Variants in EIF2B3 observed in about 807,000 individuals in gnomAD.
EIF2B3 encodes the protein translation initiation factor eIF2B subunit gamma.
Under a neutral mutation model 54.1 loss-of-function variants are expected in EIF2B3, and 20 were observed. That is an observed-to-expected ratio of 0.37 (90% confidence interval 0.26 to 0.54). The LOEUF (loss-of-function observed/expected upper bound fraction) is 0.54. EIF2B3 is among the 20% of genes least tolerant of loss of function. The pLI is 0.86. For missense variants in EIF2B3, 448 were observed against 547.8 expected (o/e 0.82, Z 1.82); for synonymous variants, 153 against 188.1 (o/e 0.81, Z 1.52).
In EIF2B3 at chr1:44,981,126, G is replaced by A. The variant is rs775048786; in HGVS notation, c.43C>T (p.Arg15Trp). The part of the protein sequence containing the change: ...AVVMAVGGGS[R>W]MTDLTSSIPK... ...ATGCTGGAAGTTAGGTCTGTCATCC[G>A]AGATCCTCCACCTACTGCCATCACT... Residue 15 changes from arginine to tryptophan, a missense_variant, in exon 2 of 12, where the codon CGG (arginine) becomes TGG (tryptophan). Transcript: ENST00000360403. 27 of 1,612,486 alleles carry A rather than the reference G, an allele frequency of 1.7e-5. No individual in the cohort carries two copies. The highest frequency in any genetic ancestry group is 6.7e-5 in the African/African-American group (5 of 74,406).
At chr1:44,965,895 C>CTGTA in intron 3 of EIF2B3, among the ~76,000 whole-genome samples, 1 of 151,978 alleles carries the variant, frequency 6.6e-6, no homozygotes, top group East Asian at 1.9e-4. Flanking sequence ...CCGCCTCAGC[C>CTGTA]TCCCAAAGTG....
chr1:44,875,868 T>A (rs1655111617), intron 8 of EIF2B3, among the ~76,000 whole-genome samples, 173 bp from the exon 9 acceptor site: 1 of 152,210 alleles, frequency 6.6e-6, no homozygotes, highest in African/African-American at 2.4e-5. Flanking sequence ...CCATCTCGGC[T>A]CACTGCAACC....
chr1:44,983,352 T>C (rs1367885434), intron 1 of EIF2B3, among the ~76,000 whole-genome samples: 1 of 152,200 alleles, frequency 6.6e-6, no homozygotes, highest in Middle Eastern at 3.2e-3. Context: ...TTTACTATAA[T>C]TATTATTACT....
intron 5 of EIF2B3, among the ~76,000 whole-genome samples, chr1:44,918,823 T>C (rs560512452): frequency 6.6e-6 from 1 of 152,368 alleles, no homozygotes; most frequent in South Asian, 2.1e-4. Flanking sequence ...TACTTCCTTA[T>C]GCGTTTTACC....
chr1:44,868,761 G>A (rs139792076), intron 10 of EIF2B3, among the ~76,000 whole-genome samples: 2 of 152,356 alleles, frequency 1.3e-5, no homozygotes, highest in Non-Finnish European at 2.9e-5. Flanking sequence ...CTGGAACCAG[G>A]TGATCAAATG....
At chr1:44,961,294 G>C (rs1644282397) in intron 3 of EIF2B3, among the ~76,000 whole-genome samples, 1 of 140,216 alleles carries the variant, frequency 7.1e-6, no homozygotes, top group Non-Finnish European at 1.5e-5. Flanking sequence ...TCCAACCTGG[G>C]CAACAGAGTG....
At chr1:44,853,953 G>A (rs1457154823) in intron 11 of EIF2B3, among the ~76,000 whole-genome samples, 1 of 150,910 alleles carries the variant, frequency 6.6e-6, no homozygotes, top group African/African-American at 2.5e-5. Context: ...GTCACTGACT[G>A]TAAGAAGAGA....
intron 4 of EIF2B3, among the ~76,000 whole-genome samples, chr1:44,929,756 T>C (rs1419039261): frequency 1.3e-5 from 2 of 152,236 alleles, no homozygotes; most frequent in Non-Finnish European, 2.9e-5. Flanking sequence ...CTTGAATCAC[T>C]GATGTCCTGG....
At chr1:44,857,927 C>A (rs912627360) in intron 10 of EIF2B3, 120 bp from the exon 11 acceptor site, 3 of 875,296 alleles carry the variant, frequency 3.4e-6, no homozygotes, top group Non-Finnish European at 5.7e-6. Context: ...CAGTTAATGG[C>A]TACGTGCCTC....
At chr1:44,920,761 G>A (rs935455562) in intron 5 of EIF2B3, among the ~76,000 whole-genome samples, 8 of 152,118 alleles carry the variant, frequency 5.3e-5, no homozygotes, top group African/African-American at 1.9e-4. Context: ...TTGTGTATAT[G>A]TACCACATTT....
intron 3 of EIF2B3, among the ~76,000 whole-genome samples, chr1:44,974,207 C>T (rs556822832): frequency 6.6e-6 from 1 of 151,420 alleles, no homozygotes; most frequent in African/African-American, 2.4e-5. Context: ...GGCATAGTGG[C>T]TCATGCCTGT....
chr1:44,868,414 A>G (rs1175356770), intron 10 of EIF2B3, among the ~76,000 whole-genome samples: 4 of 151,332 alleles, frequency 2.6e-5, no homozygotes, highest in Non-Finnish European at 4.4e-5. Context: ...AAAAAAAAAA[A>G]AAAAAAAGAA....
At chr1:44,980,961 C>G (rs1644505486) in intron 2 of EIF2B3, 60 bp downstream of exon 2, 2 of 1,603,250 alleles carry the variant, frequency 1.2e-6, no homozygotes, top group South Asian at 2.2e-5. Flanking sequence ...GCTGACAAAT[C>G]ATGGGGATCA....
At chr1:44,870,881 G>T (rs1312452073) in intron 10 of EIF2B3, among the ~76,000 whole-genome samples, 2 of 151,932 alleles carry the variant, frequency 1.3e-5, no homozygotes, top group African/African-American at 4.8e-5. Flanking sequence ...TCGAACTCCT[G>T]GGCTCATCTG....
At chr1:44,966,987 T>C (rs1168211247) in intron 3 of EIF2B3, among the ~76,000 whole-genome samples, 1 of 151,860 alleles carries the variant, frequency 6.6e-6, no homozygotes, top group Non-Finnish European at 1.5e-5. Context: ...AGCTAATTTT[T>C]ATATTTTTAG....
intron 5 of EIF2B3, among the ~76,000 whole-genome samples, chr1:44,925,779 C>T (rs1037948443): frequency 2.0e-5 from 3 of 151,992 alleles, no homozygotes; most frequent in African/African-American, 7.3e-5. Flanking sequence ...CAAAAATTAG[C>T]TGGGTGTGGT....
chr1:44,963,271 G>A (rs12740928), intron 3 of EIF2B3, among the ~76,000 whole-genome samples: 102,407 of 150,942 alleles, frequency 0.68, 36,821 homozygotes, highest in East Asian at 0.98. Flanking sequence ...AAAACCAGGG[G>A]GGAAATCTTT....
intron 10 of EIF2B3, among the ~76,000 whole-genome samples, chr1:44,861,837 G>C (rs1336219322): frequency 2.0e-5 from 3 of 152,200 alleles, no homozygotes; most frequent in African/African-American, 7.2e-5. Context: ...ACAGCTTACT[G>C]GTTGTGAAGC....
At position 44,881,702 on chromosome 1, in the gene EIF2B3, A is replaced by G. The variant is rs1385172812; in HGVS notation, c.694T>C (p.Leu232=). The G allele has an allele frequency of 1.2e-6, 2 of 1,614,178 alleles. No homozygotes were observed. The highest frequency in any genetic ancestry group is 1.7e-6 in the Non-Finnish European group (2 of 1,180,028). Residue 232 remains leucine (L), a synonymous_variant, in exon 7 of 12, where the codon TTA becomes CTA. Coordinates refer to ENST00000360403, the MANE Select transcript of EIF2B3 (RefSeq NM_020365.5). The surrounding 1 kb of genome is among the most constrained non-coding windows in gnomAD (Gnocchi z 4.0). Reference sequence around the variant, plus strand: ...GCTGAGGAAAACTGTTTTCTCACTAAATATGGAATCAGTTCACTCCGGATA... The same window carrying G: ...GCTGAGGAAAACTGTTTTCTCACTAGATATGGAATCAGTTCACTCCGGATA... ...TSIRSELIPY[L]VRKQFSSASS...
Sources: allele counts gnomAD v4.1 joint callset (sites outside exome capture counted in the v4.1 genomes callset), GRCh38; gene constraint gnomAD v4.1.1; non-coding constraint Gnocchi (gnomAD v3.1); transcripts MANE v1.5; gene names NCBI Gene and HGNC (gene_info 2026-07-23, HGNC 2026-07-21).